Variants in PIK3R2 observed in about 807,000 individuals in gnomAD.
The protein encoded by PIK3R2 is phosphoinositide-3-kinase regulatory subunit 2.
Under a neutral mutation model 78.5 loss-of-function variants are expected in PIK3R2, and 40 were observed. That is an observed-to-expected ratio of 0.51 (90% CI 0.40 to 0.66). PIK3R2 has a LOEUF of 0.66. Among genes scored for constraint, PIK3R2 ranks in the 30% least tolerant of loss-of-function variants. PIK3R2 has a pLI of 0.00. For synonymous variants in PIK3R2, 473 were observed against 457.7 expected, an observed-to-expected ratio of 1.03 and a Z score of -0.43; for missense variants, 880 against 1,026.6, an observed-to-expected ratio of 0.86 and a Z score of 1.95.
Position 18,170,352 on chromosome 19 carries a change from G to A in PIK3R2, c.*1058G>A, listed in dbSNP as rs564848635. ...TGATGCAGATTCAGGGCTTCTCTTC[G>A]ATCATGTTGGGTTTTGATTCTGTTT... On this transcript the variant is annotated 3_prime_UTR_variant, in exon 16 of 16. Coordinates refer to ENST00000222254, the MANE Select transcript of PIK3R2 (RefSeq NM_005027.4). The A allele has an allele frequency of 6.6e-6, 1 of 151,666 alleles. No individual in the cohort carries two copies. Among genetic ancestry groups the A allele is most frequent in the East Asian group, 1.9e-4 (1 of 5,182 alleles). 9.4% of individuals were successfully genotyped at this position (151,666 alleles called of 1,614,324 possible). A position where few individuals can be genotyped will look rare whatever the true frequency, so the allele number is the denominator to read the frequency against.
intron 2 of PIK3R2, among the ~76,000 whole-genome samples, chr19:18,157,008 C>T (rs2043684569): frequency 6.6e-6 from 1 of 152,206 alleles, no homozygotes; most frequent in Admixed American, 6.5e-5. Flanking sequence ...CAGCAAAAGG[C>T]CCTGTGTGCA....
chr19:18,156,483 TG>T lies in PIK3R2; in HGVS notation c.322+287del, dbSNP rs2043680798. Among the ~76,000 whole-genome samples the T allele has an allele frequency of 6.6e-6, 1 of 151,322 alleles. No homozygotes were observed. The highest frequency in any genetic ancestry group is 1.5e-5 in the Non-Finnish European group (1 of 67,816). On this transcript the variant is annotated intron_variant, in intron 2 of 15. Transcript: ENST00000222254. This position sits in a 1 kb window ranked among gnomAD's most constrained non-coding sequence, Gnocchi z 4.2. ...ATGCGAGGGTGGAAGCTCAAGGCAGTGGGGGCAGCGAGGGCAGAGGCTGTGG... is the reference window on the plus strand; with the variant it reads ...ATGCGAGGGTGGAAGCTCAAGGCAGTGGGGCAGCGAGGGCAGAGGCTGTGG...
intron 12 of PIK3R2, 24 bp downstream of exon 12, chr19:18,166,326 C>T: frequency 6.3e-7 from 1 of 1,597,968 alleles, no homozygotes; most frequent in Non-Finnish European, 8.6e-7. Flanking sequence ...CTCTGCCCTG[C>T]CCCACCCCAC....
chr19:18,162,257 A>C lies in PIK3R2; in HGVS notation c.957A>C (p.Gly319=). The C allele has an allele frequency of 6.2e-7, 1 of 1,611,220 alleles. No individual in the cohort carries two copies. The highest frequency in any genetic ancestry group is 8.5e-7 in the Non-Finnish European group (1 of 1,177,844). The change falls in exon 8 of 16, where the codon GGA becomes GGC. Residue 319 remains glycine, a synonymous_variant. Transcript: ENST00000222254. The part of the protein sequence containing the change: ...AKPASTVLAN[G]GSPPSLQDAE... ...CGGCCTCCACAGTCCTGGCCAATGG[A>C]GGGAGCCCACCCTCCCTGCAGGATG...
rs1210172186 is a variant in PIK3R2, at chr19:18,161,066, G to A, written c.479G>A (p.Ser160Asn). 24 of 1,611,050 alleles carry A rather than the reference G, an allele frequency of 1.5e-5. No individual in the cohort carries two copies. The highest frequency in any genetic ancestry group is 2.0e-5 in the Non-Finnish European group (24 of 1,179,188). ...LPAPRTDWSL[S>N]DVDQWDTAAL... ...CCTGCACCCGCAGACTGGTCCCTGAGCGACGTGGATCAGTGGGACACGGCA... is the reference window on the plus strand; with the variant it reads ...CCTGCACCCGCAGACTGGTCCCTGAACGACGTGGATCAGTGGGACACGGCA... Residue 160 changes from serine (S) to asparagine (N), a missense_variant, in exon 5 of 16, where the codon AGC becomes AAC. By Grantham distance (46) the Ser-to-Asn change is conservative. Coordinates refer to ENST00000222254, the MANE Select transcript of PIK3R2 (RefSeq NM_005027.4). This position sits in a 1 kb window ranked among gnomAD's most constrained non-coding sequence, Gnocchi z 5.3.
At position 18,159,144 on chromosome 19, in the gene PIK3R2, C is replaced by CTTTTTTT. The variant is rs57543686; in HGVS notation, c.323-1314_323-1308dup. The stretch of plus-strand genomic sequence containing the variant: ...GGAGTGAGCCACTGCGCCTGGCCTC[C>CTTTTTTT]TTTTTTTTTTTTTTTTTTTAAATTA... On this transcript the variant is annotated intron_variant, in intron 2 of 15. Coordinates refer to ENST00000222254, the MANE Select transcript of PIK3R2 (RefSeq NM_005027.4). Among the ~76,000 whole-genome samples the CTTTTTTT allele has an allele frequency of 2.5e-3, 126 of 50,046 alleles. 9 individuals carry two copies. The highest frequency in any genetic ancestry group is 3.7e-3 in the Non-Finnish European group (106 of 29,002). The allele number at this position is 50,046 out of a possible 152,430, so 32.8% of individuals were successfully genotyped here.
rs1168800005 is a variant in PIK3R2, at chr19:18,168,873, G to C, written c.1956G>C (p.Arg652=). The C allele has an allele frequency of 6.2e-7, 1 of 1,613,242 alleles. No homozygotes were observed. Among genetic ancestry groups the C allele is most frequent in the South Asian group, 1.1e-5 (1 of 90,972 alleles). The change falls in exon 15 of 16, where the codon CGG becomes CGC. Residue 652 remains arginine, a synonymous_variant. Coordinates refer to ENST00000222254, the MANE Select transcript of PIK3R2 (RefSeq NM_005027.4). This position sits in a 1 kb window ranked among gnomAD's most constrained non-coding sequence, Gnocchi z 4.1. ...TCCTCATCCGCGAGAGCAGCCAGCG[G>C]GGCTGCTACGCCTGCTCCGTGGTGT... The part of the protein sequence containing the change: ...GTFLIRESSQ[R]GCYACSVVVD...
chr19:18,169,045 G>A (rs767138538), intron 15 of PIK3R2, 42 bp from the exon 16 acceptor site: 1 of 1,585,540 alleles, frequency 6.3e-7, no homozygotes. Context: ...AGCTTGGCGG[G>A]GAGGCCAGCC....
At chr19:18,164,610 A>C (rs1470799935) in intron 11 of PIK3R2, among the ~76,000 whole-genome samples, 1 of 151,560 alleles carries the variant, frequency 6.6e-6, no homozygotes, top group African/African-American at 2.4e-5. Flanking sequence ...CTAGTACCCT[A>C]AGGGTTTTCT....
At position 18,168,483 on chromosome 19, in the gene PIK3R2, C is replaced by T. The variant is rs765563724; in HGVS notation, c.1745C>T (p.Thr582Ile). The T allele has an allele frequency of 1.3e-6, 1 of 780,458 alleles. No homozygotes were observed. Among genetic ancestry groups the T allele is most frequent in the Non-Finnish European group, 2.4e-6 (1 of 418,082 alleles). 48.3% of individuals were successfully genotyped at this position (780,458 alleles called of 1,614,324 possible). Residue 582 changes from threonine to isoleucine, a missense_variant, in exon 14 of 16, where the codon ACC becomes ATC. By Grantham distance (89) the Thr-to-Ile change is moderately conservative. Coordinates refer to ENST00000222254, the MANE Select transcript of PIK3R2 (RefSeq NM_005027.4). The surrounding 1 kb of genome is among the most constrained non-coding windows in gnomAD (Gnocchi z 4.1). ...TTCCTGTTCCTTCTCAGGTGGCTCACCCAGAAAGGCGCCCGGCAGAAGAAA... is the reference window on the plus strand; with the variant it reads ...TTCCTGTTCCTTCTCAGGTGGCTCATCCAGAAAGGCGCCCGGCAGAAGAAA... ...KIRDQYLVWL[T>I]QKGARQKKIN... is the part of the protein sequence containing the mutation.
chr19:18,161,628 T>C lies in PIK3R2; in HGVS notation c.815+133T>C, dbSNP rs2043748028. 42 of 493,688 alleles carry C rather than the reference T, an allele frequency of 8.5e-5. 1 individual carries two copies. In the South Asian group the frequency reaches 1.4e-3, roughly 17 times the overall value. 30.6% of individuals were successfully genotyped at this position (493,688 alleles called of 1,614,324 possible). The stretch of plus-strand genomic sequence containing the variant: ...GGTCCAGAGTGAGAAGCTGCGTTCT[T>C]GTGATGACGGAGCGGAGACCTGGGC... On this transcript the variant is annotated intron_variant, in intron 6 of 15. Transcript: ENST00000222254. The surrounding 1 kb of genome is among the most constrained non-coding windows in gnomAD (Gnocchi z 5.3).
At chr19:18,157,929 A>G (rs1181597243) in intron 2 of PIK3R2, among the ~76,000 whole-genome samples, 2 of 152,166 alleles carry the variant, frequency 1.3e-5, no homozygotes, top group African/African-American at 4.8e-5. Flanking sequence ...TGCTGCACAC[A>G]AAAGGCCCTG....
At position 18,168,034 on chromosome 19, in the gene PIK3R2, C is replaced by T. The variant is rs1314780908; in HGVS notation, c.1737-441C>T. Among the ~76,000 whole-genome samples, 1 of 152,120 alleles carries T rather than the reference C, an allele frequency of 6.6e-6. No individual in the cohort carries two copies. The highest frequency in any genetic ancestry group is 1.5e-5 in the Non-Finnish European group (1 of 68,014). ...TCTTGGGCCTCAGGGAGGGCACTGT[C>T]GCGTGCCAGGTGCTGTGCTAAGCAC... On this transcript the variant is annotated intron_variant, in intron 13 of 15. Coordinates refer to ENST00000222254, the MANE Select transcript of PIK3R2 (RefSeq NM_005027.4). The surrounding 1 kb of genome is among the most constrained non-coding windows in gnomAD (Gnocchi z 4.1).
chr19:18,169,416 C>G lies in PIK3R2; in HGVS notation c.*122C>G. 2.3e-6 allele frequency: 1 copy of G among 432,736 alleles called. No individual in the cohort carries two copies. Among genetic ancestry groups the G allele is most frequent in the Non-Finnish European group, 3.8e-6 (1 of 263,238 alleles). The allele number at this position is 432,736 out of a possible 1,614,324, so 26.8% of individuals were successfully genotyped here. On this transcript the variant is annotated 3_prime_UTR_variant, in exon 16 of 16. Coordinates refer to ENST00000222254, the MANE Select transcript of PIK3R2 (RefSeq NM_005027.4). ...GGTCCTCATTTCTCCGGCTCTGGCT[C>G]TTGTTTGGGGTTCTCTCACCCTCTT...
Position 18,163,301 on chromosome 19 carries a change from C to T in PIK3R2, c.1329C>T (p.Gly443=), listed in dbSNP as rs199931960. Reference sequence around the variant, plus strand: ...AGGAGGACAGCGTGGAGGCAGTGGGCGCCCAGCTTAAGGTCTATCACCAGC... The same window carrying T: ...AGGAGGACAGCGTGGAGGCAGTGGGTGCCCAGCTTAAGGTCTATCACCAGC... The part of the protein sequence containing the change: ...IVKEDSVEAV[G]AQLKVYHQQY... The change falls in exon 11 of 16, where the codon GGC becomes GGT. Residue 443 remains glycine (G), a synonymous_variant. Transcript: ENST00000222254. The T allele has an allele frequency of 6.8e-6, 11 of 1,614,020 alleles. 1 individual carries two copies. Among genetic ancestry groups the T allele is most frequent in the Middle Eastern group, 1.6e-4 (1 of 6,062 alleles).
At chr19:18,154,165 C>T (rs771967904) in intron 1 of PIK3R2, among the ~76,000 whole-genome samples, 1 of 152,192 alleles carries the variant, frequency 6.6e-6, no homozygotes, top group Non-Finnish European at 1.5e-5. Flanking sequence ...GATCCATTCT[C>T]TAGAACAGCA....
At position 18,156,318 on chromosome 19, in the gene PIK3R2, AT is replaced by A; in HGVS notation, c.322+120del. 1.2e-6 allele frequency: 1 copy of A among 813,048 alleles called. No homozygotes were observed. Among genetic ancestry groups the A allele is most frequent in the Non-Finnish European group, 1.8e-6 (1 of 556,000 alleles). 50.4% of individuals were successfully genotyped at this position (813,048 alleles called of 1,614,324 possible). ...GAAGGAGGAAAAAGGACATTTGGTC[AT>A]TTGACAAGTGTCTTCAGTGCTAGGC... On this transcript the variant is annotated intron_variant, in intron 2 of 15. Coordinates refer to ENST00000222254, the MANE Select transcript of PIK3R2 (RefSeq NM_005027.4). This position sits in a 1 kb window ranked among gnomAD's most constrained non-coding sequence, Gnocchi z 4.2.
rs1270452588 is a variant in PIK3R2 at position 18,156,502 on chromosome 19, G to A, written c.322+301G>A. Among the ~76,000 whole-genome samples the A allele has an allele frequency of 6.6e-6, 1 of 152,164 alleles. No homozygotes were observed. The highest frequency in any genetic ancestry group is 2.4e-5 in the African/African-American group (1 of 41,440). Reference sequence around the variant, plus strand: ...AGGCAGTGGGGGCAGCGAGGGCAGAGGCTGTGGAGTAGAACTCTAATGGCG... The same window carrying A: ...AGGCAGTGGGGGCAGCGAGGGCAGAAGCTGTGGAGTAGAACTCTAATGGCG... On this transcript the variant is annotated intron_variant, in intron 2 of 15. Coordinates refer to ENST00000222254, the MANE Select transcript of PIK3R2 (RefSeq NM_005027.4). This position sits in a 1 kb window ranked among gnomAD's most constrained non-coding sequence, Gnocchi z 4.2.
At position 18,156,662 on chromosome 19, in the gene PIK3R2, G is replaced by A. The variant is rs1388271866; in HGVS notation, c.322+461G>A. On this transcript the variant is annotated intron_variant, in intron 2 of 15. Transcript: ENST00000222254. This position sits in a 1 kb window ranked among gnomAD's most constrained non-coding sequence, Gnocchi z 4.2. ...CAGAGGCTCAGCCTAGCTTCATCCT[G>A]CCTTTTGCAGACAGGGTCCCTTGAA... Among the ~76,000 whole-genome samples the A allele has an allele frequency of 6.6e-6, 1 of 152,166 alleles. No individual in the cohort carries two copies. The highest frequency in any genetic ancestry group is 1.5e-5 in the Non-Finnish European group (1 of 68,024).
Sources: gnomAD v4.1 joint callset for allele counts (sites outside exome capture counted in the v4.1 genomes callset) on GRCh38, gnomAD v4.1.1 for gene constraint, Gnocchi (gnomAD v3.1) non-coding constraint, MANE v1.5 for transcripts, NCBI Gene and HGNC (gene_info 2026-07-23, HGNC 2026-07-21) for gene names.